Variants in TPD52 observed in about 807,000 individuals in gnomAD.
The protein encoded by TPD52 is tumor protein D52, also known as prostate and colon associated protein.
Under a neutral mutation model 31.3 loss-of-function variants are expected in TPD52, and 17 were observed. The ratio of observed to expected loss-of-function variants is 0.54; its 90% CI spans 0.37 to 0.82. TPD52 has a LOEUF of 0.82. Among genes scored for constraint, TPD52 ranks in the 40% least tolerant of loss-of-function variants. The pLI is 0.00. For missense variants in TPD52, 212 were observed against 240.1 expected, an observed-to-expected ratio of 0.88 and a Z score of 0.77; for synonymous variants, 83 against 89.6, an observed-to-expected ratio of 0.93 and a Z score of 0.42.
intron 1 of TPD52, chr8:80,080,377 T>A: frequency 6.2e-7 from 1 of 1,614,210 alleles, no homozygotes; most frequent in Non-Finnish European, 8.5e-7. Context: ...CAAGTAGAGA[T>A]AGCTTTTGTT....
intron 1 of TPD52, among the ~76,000 whole-genome samples, chr8:80,113,978 C>T (rs539666847): frequency 6.6e-5 from 10 of 152,284 alleles, no homozygotes; most frequent in African/African-American, 2.2e-4. Flanking sequence ...GGCATGGTGG[C>T]TCACACCTGT....
chr8:80,083,941 T>C (rs1445881081), intron 1 of TPD52, among the ~76,000 whole-genome samples: 2 of 152,184 alleles, frequency 1.3e-5, no homozygotes, highest in Non-Finnish European at 2.9e-5. Flanking sequence ...CTGAGTCTCC[T>C]AGACCTGACT....
rs532096970 is a variant in TPD52 at position 80,055,877 on chromosome 8, C to T, written c.136-2447G>A. On this transcript the variant is annotated intron_variant, in intron 2 of 7. Coordinates refer to ENST00000518937, the MANE Select transcript of TPD52 (RefSeq NM_001025253.3). ...GTTATTATGCCTGTTATCAAAAAACCAAAAAATAACAGATGCTGGCAAGGA... is the reference window on the plus strand; with the variant it reads ...GTTATTATGCCTGTTATCAAAAAACTAAAAAATAACAGATGCTGGCAAGGA... Among the ~76,000 whole-genome samples the T allele has an allele frequency of 2.6e-5, 4 of 152,046 alleles. No homozygotes were observed. In the South Asian group the frequency reaches 8.3e-4, roughly 32 times the overall value.
intron 1 of TPD52, among the ~76,000 whole-genome samples, chr8:80,144,520 G>T (rs1008297565): frequency 5.3e-5 from 8 of 152,180 alleles, no homozygotes; most frequent in African/African-American, 1.9e-4. Context: ...CCTCTCCATA[G>T]CAACTGCAGC....
chr8:80,171,212 C>T (rs752980567), intron 1 of TPD52: 47 of 708,590 alleles, frequency 6.6e-5, no homozygotes, highest in Non-Finnish European at 1.0e-4. Flanking sequence ...CTCACACTCA[C>T]ACATGCAGTC....
At chr8:80,107,934 T>A (rs1201336414) in intron 1 of TPD52, among the ~76,000 whole-genome samples, 2 of 152,180 alleles carry the variant, frequency 1.3e-5, no homozygotes, top group African/African-American at 2.4e-5. Flanking sequence ...AAATCCAACC[T>A]AAGAGGAAAA....
intron 2 of TPD52, among the ~76,000 whole-genome samples, chr8:80,056,443 A>T (rs1811897312): frequency 6.6e-6 from 1 of 152,218 alleles, no homozygotes. Context: ...GAATGGGGAA[A>T]ATATTGGCAA....
intron 1 of TPD52, among the ~76,000 whole-genome samples, chr8:80,166,779 G>A (rs6990736): frequency 0.051 from 7,745 of 151,844 alleles, 641 homozygotes; most frequent in African/African-American, 0.18. Flanking sequence ...CGTGGCATGC[G>A]CCTGTAGTCC....
chr8:80,145,401 T>G (rs1162597726), intron 1 of TPD52, among the ~76,000 whole-genome samples: 1 of 152,220 alleles, frequency 6.6e-6, no homozygotes, highest in Non-Finnish European at 1.5e-5. Context: ...GAACACATTT[T>G]CACGGGAAAG....
chr8:80,051,914 C>T (rs1400850984), intron 3 of TPD52: 1 of 308,020 alleles, frequency 3.2e-6, no homozygotes, highest in Non-Finnish European at 5.9e-6. Context: ...TAAAAATAAT[C>T]ATCAAACCAA....
intron 1 of TPD52, among the ~76,000 whole-genome samples, chr8:80,083,308 C>G (rs999407645): frequency 6.6e-6 from 1 of 152,082 alleles, no homozygotes; most frequent in African/African-American, 2.4e-5. Context: ...AGAGAGGACT[C>G]AGAAAGAGGC....
intron 1 of TPD52, among the ~76,000 whole-genome samples, chr8:80,168,782 A>C (rs1442927011): frequency 2.6e-5 from 4 of 152,224 alleles, no homozygotes; most frequent in African/African-American, 9.6e-5. Context: ...AAAACAGAAC[A>C]GGAGAAAGTG....
chr8:80,137,901 G>A (rs1329877542), intron 1 of TPD52, among the ~76,000 whole-genome samples: 1 of 152,070 alleles, frequency 6.6e-6, no homozygotes, highest in Non-Finnish European at 1.5e-5. Context: ...TTGTGCTACT[G>A]CACTCCAGCC....
intron 1 of TPD52, among the ~76,000 whole-genome samples, chr8:80,150,572 C>A (rs1810504245): frequency 6.6e-6 from 1 of 152,226 alleles, no homozygotes; most frequent in Non-Finnish European, 1.5e-5. Context: ...TGCAAAGCCA[C>A]AGGGGTGGAG....
At chr8:80,061,716 A>T (rs576317193) in intron 2 of TPD52, among the ~76,000 whole-genome samples, 360 of 152,226 alleles carry the variant, frequency 2.4e-3, no homozygotes, top group African/African-American at 8.3e-3. Context: ...TGAGCTCATA[A>T]ATTCAACAAA....
chr8:80,169,010 A>G (rs762639686), intron 1 of TPD52, among the ~76,000 whole-genome samples: 1 of 152,176 alleles, frequency 6.6e-6, no homozygotes, highest in Non-Finnish European at 1.5e-5. Flanking sequence ...TTTGAGATAG[A>G]GTCTCGCTCT....
intron 6 of TPD52, among the ~76,000 whole-genome samples, 170 bp downstream of exon 6, chr8:80,043,997 C>T (rs908121656): frequency 6.6e-6 from 1 of 152,158 alleles, no homozygotes; most frequent in African/African-American, 2.4e-5. Flanking sequence ...GGATCTCTTG[C>T]ACCCATCCCA....
At chr8:80,169,142 G>A (rs183846336) in intron 1 of TPD52, among the ~76,000 whole-genome samples, 5 of 152,202 alleles carry the variant, frequency 3.3e-5, no homozygotes, top group Middle Eastern at 3.4e-3. Context: ...GTGCCACCGC[G>A]CCGAGCTAAT....
At chr8:80,160,336 T>C (rs992383687) in intron 1 of TPD52, among the ~76,000 whole-genome samples, 8 of 152,162 alleles carry the variant, frequency 5.3e-5, no homozygotes, top group Non-Finnish European at 1.0e-4. Context: ...TGTTTCCTCA[T>C]ATATAAAATG....
Sources: allele counts gnomAD v4.1 joint callset (sites outside exome capture counted in the v4.1 genomes callset), GRCh38; gene constraint gnomAD v4.1.1; transcripts MANE v1.5; gene names NCBI Gene and HGNC (gene_info 2026-07-23, HGNC 2026-07-21).